LIMCH1: variants seen among roughly 807,000 people sequenced by gnomAD.
The protein encoded by LIMCH1 is LIM and calponin homology domains 1.
A neutral mutation model predicts 176.5 loss-of-function variants in LIMCH1; 113 were observed. That is an observed-to-expected ratio of 0.64 (90% CI 0.55 to 0.75). LIMCH1 has a LOEUF of 0.75. LIMCH1 is among the 30% of genes least tolerant of loss of function. The pLI, the probability that LIMCH1 is intolerant of heterozygous loss-of-function variation, is 0.00. For synonymous variants in LIMCH1, 619 were observed against 645.9 expected (o/e 0.96, Z 0.63); for missense variants, 1,674 against 1,814.9 (o/e 0.92, Z 1.41).
rs1343349811 is a variant in LIMCH1 at position 41,360,893 on chromosome 4, C to T, written c.53C>T (p.Pro18Leu). ...GCTCTTCAGCCCCTGCAGCCCGAGC[C>T]GCCCCCCGAGCCCGCCTTCTCCGAG... is the stretch of plus-strand genomic sequence containing the variant. The change falls in exon 1 of 27, where the codon CCG becomes CTG. Residue 18 changes from proline to leucine, a missense_variant. By Grantham distance (98) the Pro-to-Leu change is moderately conservative. Transcript: ENST00000313860. The surrounding 1 kb of genome is among the most constrained non-coding windows in gnomAD (Gnocchi z 4.5). 1 of 1,588,954 alleles carries T rather than the reference C, an allele frequency of 6.3e-7. No individual in the cohort carries two copies. Among genetic ancestry groups the T allele is most frequent in the Non-Finnish European group, 8.5e-7 (1 of 1,170,942 alleles).
intron 1 of LIMCH1, among the ~76,000 whole-genome samples, chr4:41,540,202 A>G (rs1384339933): frequency 6.6e-6 from 1 of 152,216 alleles, no homozygotes. Flanking sequence ...GAGTAAATTA[A>G]TTAATATAGG....
At chr4:41,434,760 G>A (rs749480830) in intron 1 of LIMCH1, among the ~76,000 whole-genome samples, 4 of 152,128 alleles carry the variant, frequency 2.6e-5, no homozygotes, top group African/African-American at 4.8e-5. Flanking sequence ...CAGATGATCC[G>A]CCAGTCTTGG....
At chr4:41,581,923 G>T (rs554896621) in intron 1 of LIMCH1, among the ~76,000 whole-genome samples, 1 of 151,112 alleles carries the variant, frequency 6.6e-6, no homozygotes, top group Non-Finnish European at 1.5e-5. Flanking sequence ...GTTCATCCAC[G>T]TTCTCACAAA....
chr4:41,468,560 T>G (rs2066497879), intron 1 of LIMCH1, among the ~76,000 whole-genome samples: 1 of 151,768 alleles, frequency 6.6e-6, no homozygotes, highest in Non-Finnish European at 1.5e-5. Flanking sequence ...ACAGAAATAT[T>G]GTGTTTGATT....
chr4:41,597,863 T>TG (rs1299269262), intron 1 of LIMCH1, among the ~76,000 whole-genome samples: 4 of 152,194 alleles, frequency 2.6e-5, no homozygotes, highest in African/African-American at 7.2e-5. Context: ...GCAGGATTCT[T>TG]GGGGTTTATC....
At chr4:41,369,672 G>A (rs1002731271) in intron 1 of LIMCH1, among the ~76,000 whole-genome samples, 5 of 152,062 alleles carry the variant, frequency 3.3e-5, no homozygotes, top group East Asian at 3.9e-4. Context: ...TTACTATCAC[G>A]AATTTTTTTT....
chr4:41,667,980 A>T (rs543636159), intron 21 of LIMCH1, among the ~76,000 whole-genome samples: 1 of 152,074 alleles, frequency 6.6e-6, no homozygotes, highest in Non-Finnish European at 1.5e-5. Context: ...AAAAAAAAAA[A>T]AAATTTTAAA....
intron 1 of LIMCH1, among the ~76,000 whole-genome samples, chr4:41,442,861 G>C (rs939326850): frequency 6.6e-6 from 1 of 152,200 alleles, no homozygotes; most frequent in African/African-American, 2.4e-5. Flanking sequence ...AACAATAATT[G>C]CTGGAAAACT....
intron 13 of LIMCH1, among the ~76,000 whole-genome samples, chr4:41,635,368 T>C (rs2093532594): frequency 6.6e-6 from 1 of 152,048 alleles, no homozygotes; most frequent in Non-Finnish European, 1.5e-5. Context: ...GCTGGGATTA[T>C]ATGCGCCCTC....
In LIMCH1 at chr4:41,392,948, T is replaced by C. The variant is rs188284917; in HGVS notation, c.96+32012T>C. Among the ~76,000 whole-genome samples, 248 of 152,074 alleles carry C rather than the reference T, an allele frequency of 1.6e-3. 1 individual carries two copies. The highest frequency in any genetic ancestry group is 5.8e-3 in the African/African-American group (239 of 41,496). ...TTGGGAGGCTGAGGCAGGAATCACT[T>C]GAATCTGGGAGGCGGAGGTTGCAGT... On this transcript the variant is annotated intron_variant, in intron 1 of 26. Transcript: ENST00000313860.
At chr4:41,573,552 G>A (rs1211529587) in intron 1 of LIMCH1, among the ~76,000 whole-genome samples, 1 of 152,078 alleles carries the variant, frequency 6.6e-6, no homozygotes, top group South Asian at 2.1e-4. Flanking sequence ...AGTATTCTTC[G>A]CAAATGCTAT....
At chr4:41,603,470 A>G (rs1190039985) in intron 2 of LIMCH1, among the ~76,000 whole-genome samples, 19 of 152,208 alleles carry the variant, frequency 1.2e-4, no homozygotes, top group Non-Finnish European at 1.5e-4. Context: ...ATAAGGTTTT[A>G]GACCTGTGTT....
intron 1 of LIMCH1, among the ~76,000 whole-genome samples, chr4:41,464,623 C>A (rs1208267623): frequency 1.3e-5 from 2 of 152,060 alleles, no homozygotes; most frequent in South Asian, 4.2e-4. Context: ...ATCTGCCCCC[C>A]TCAGCCTCCC....
At chr4:41,553,947 A>C (rs1196846474) in intron 1 of LIMCH1, among the ~76,000 whole-genome samples, 1 of 152,198 alleles carries the variant, frequency 6.6e-6, no homozygotes, top group African/African-American at 2.4e-5. Context: ...TCTCAAGCTC[A>C]GTAGTATTAG....
rs147477981 is a variant in LIMCH1 at position 41,552,919 on chromosome 4, T to C, written c.-241+14569T>C. Among the ~76,000 whole-genome samples, 136 of 152,304 alleles carry C rather than the reference T, an allele frequency of 8.9e-4. 2 individuals are homozygous for C. The highest frequency in any genetic ancestry group is 3.1e-3 in the African/African-American group (129 of 41,572). ...GTTATCTCCTTAGGAATTTTAATTA[T>C]TTGAGGTGAGCTGTTTAAAAAAATA... On this transcript the variant is annotated intron_variant, in intron 1 of 31. Coordinates refer to ENST00000503057, the MANE Select transcript of LIMCH1 (RefSeq NM_001330672.2).
chr4:41,507,856 G>A (rs1583280305), intron 2 of LIMCH1, among the ~76,000 whole-genome samples: 1 of 139,102 alleles, frequency 7.2e-6, no homozygotes, highest in African/African-American at 2.6e-5. Context: ...TGTAATGGTG[G>A]TGGTGGGAGG....
At chr4:41,546,774 C>T (rs749229051) in intron 1 of LIMCH1, among the ~76,000 whole-genome samples, 21 of 152,126 alleles carry the variant, frequency 1.4e-4, no homozygotes, top group Admixed American at 2.6e-4. Context: ...CATTCTTCCC[C>T]TAGCTCAATT....
intron 1 of LIMCH1, among the ~76,000 whole-genome samples, chr4:41,560,733 A>T (rs1201410517): frequency 6.6e-6 from 1 of 152,106 alleles, no homozygotes; most frequent in Non-Finnish European, 1.5e-5. Context: ...AAAAAAAATA[A>T]ATCGGTCAGG....
chr4:41,589,344 G>A lies in LIMCH1; in HGVS notation c.-240-9576G>A, dbSNP rs144872332. Among the ~76,000 whole-genome samples the A allele has an allele frequency of 1.8e-3, 274 of 152,324 alleles. 4 individuals carry two copies. The highest frequency in any genetic ancestry group is 6.3e-3 in the African/African-American group (262 of 41,576). On this transcript the variant is annotated intron_variant, in intron 1 of 31. Transcript: ENST00000503057. The stretch of plus-strand genomic sequence containing the variant: ...GCTCACCTGGCATGTCTGAGGACCA[G>A]TGAGCAGGTGCCTGGCTGAAGCCGC...
Sources: gnomAD v4.1 joint callset for allele counts (sites outside exome capture counted in the v4.1 genomes callset) on GRCh38, gnomAD v4.1.1 for gene constraint, Gnocchi (gnomAD v3.1) non-coding constraint, MANE v1.5 for transcripts, NCBI Gene and HGNC (gene_info 2026-07-23, HGNC 2026-07-21) for gene names.